USP4: variants seen among roughly 807,000 people sequenced by gnomAD.
USP4 encodes the protein ubiquitin carboxyl-terminal hydrolase 4.
A neutral mutation model predicts 118.2 loss-of-function variants in USP4; 72 were observed. The ratio of observed to expected loss-of-function variants is 0.61; its 90% CI spans 0.50 to 0.74. The LOEUF (loss-of-function observed/expected upper bound fraction) is 0.74, where lower values mean the gene tolerates loss of function less well. Ranked by LOEUF, USP4 falls within the 30% of genes least tolerant of loss-of-function variation. The probability of loss-of-function intolerance (pLI) is 0.00; values close to 1 mark genes in which losing one functional copy is unlikely to be tolerated. For missense variants in USP4, 1,037 were observed against 1,185.7 expected (o/e 0.87, Z 1.84); for synonymous variants, 415 against 440.4 (o/e 0.94, Z 0.72).
chr3:49,286,521 T>A (rs921581316), intron 15 of USP4, among the ~76,000 whole-genome samples, 196 bp from the exon 16 acceptor site: 1 of 152,124 alleles, frequency 6.6e-6, no homozygotes, highest in African/African-American at 2.4e-5. Flanking sequence ...GACTGGGCAC[T>A]GCTATTCCAC....
chr3:49,281,662 C>T (rs2047030657), intron 19 of USP4, among the ~76,000 whole-genome samples: 1 of 149,134 alleles, frequency 6.7e-6, no homozygotes, highest in African/African-American at 2.5e-5. Flanking sequence ...TGCAGTGAGC[C>T]GAGATCGTGC....
At chr3:49,288,126 T>C (rs2047118762) in intron 15 of USP4, among the ~76,000 whole-genome samples, 1 of 152,220 alleles carries the variant, frequency 6.6e-6, no homozygotes, top group Non-Finnish European at 1.5e-5. Context: ...CTTTCCGAAC[T>C]TGCTTAATTC....
chr3:49,325,572 C>G (rs996686159), intron 4 of USP4, 147 bp downstream of exon 4: 1 of 1,168,466 alleles, frequency 8.6e-7, no homozygotes, highest in African/African-American at 1.5e-5. Context: ...GAATAGGCCC[C>G]CAGGTCAGGA....
intron 9 of USP4, 31 bp from the exon 10 acceptor site, chr3:49,302,573 T>C: frequency 1.2e-6 from 2 of 1,603,582 alleles, no homozygotes; most frequent in Non-Finnish European, 1.7e-6. Flanking sequence ...TCAGAAGGCA[T>C]AATACGTAAA....
At chr3:49,323,908 T>C (rs1347053316) in intron 6 of USP4, among the ~76,000 whole-genome samples, 3 of 152,194 alleles carry the variant, frequency 2.0e-5, no homozygotes, top group African/African-American at 7.2e-5. Context: ...CCAAGTTTTG[T>C]AGCTGAACAA....
intron 6 of USP4, among the ~76,000 whole-genome samples, chr3:49,322,789 T>TG (rs2047515839): frequency 1.6e-5 from 2 of 127,738 alleles, no homozygotes; most frequent in African/African-American, 5.9e-5. Flanking sequence ...AACCCGGGAG[T>TG]GGGGGTGCAG....
chr3:49,334,056 A>G (rs895664447), intron 2 of USP4, among the ~76,000 whole-genome samples: 3 of 152,154 alleles, frequency 2.0e-5, no homozygotes, highest in Non-Finnish European at 2.9e-5. Flanking sequence ...ACTGATCACC[A>G]TAACAAATAA....
rs72922904 is a variant in USP4 at position 49,339,780 on chromosome 3, T to C, written c.101+144A>G. On this transcript the variant is annotated intron_variant, in intron 1 of 21. Transcript: ENST00000265560. ...TTTCCCAGAGCTGATCCTGGAGTTA[T>C]TCTCCTGAGGGGCAGGTGTCAGGCT... 0.013 allele frequency: 7,932 copies of C among 616,386 alleles called. 491 individuals carry two copies. In the African/African-American group the frequency reaches 0.13, roughly 10 times the overall value. 38.2% of individuals were successfully genotyped at this position (616,386 alleles called of 1,614,324 possible).
Position 49,297,893 on chromosome 3 carries a change from G to C in USP4, c.1668C>G (p.Ile556Met), listed in dbSNP as rs1250115006. ...ACACGAAAATGTCATCCCGAGGCAT[G>C]ATGTGGTTTAAACCTTCATCCATTT... ...IFQMDEGLNH[I>M]MPRDDIFVYE... is the part of the protein sequence containing the mutation. Residue 556 changes from isoleucine (I) to methionine (M), a missense_variant, in exon 13 of 22, where the codon ATC (isoleucine) becomes ATG (methionine). Ile to Met is a conservative substitution (Grantham distance 10). This residue lies in a region of USP4 where 522 missense variants were observed against 592.6 expected (regional missense o/e 0.88). Transcript: ENST00000265560. The C allele has an allele frequency of 6.2e-7, 1 of 1,613,968 alleles. No homozygotes were observed. The highest frequency in any genetic ancestry group is 1.7e-5 in the Admixed American group (1 of 59,980).
chr3:49,319,545 C>A (rs868333566), intron 6 of USP4, among the ~76,000 whole-genome samples: 10 of 150,644 alleles, frequency 6.6e-5, no homozygotes, highest in Middle Eastern at 3.4e-3. Context: ...CCACTATTTC[C>A]ATTCCCTCAA....
intron 8 of USP4, 106 bp downstream of exon 8, chr3:49,310,514 G>C (rs2047372470): frequency 1.1e-6 from 1 of 921,284 alleles, no homozygotes; most frequent in Non-Finnish European, 1.8e-6. Flanking sequence ...CACCAACAAG[G>C]GGTAGGCAGG....
At chr3:49,316,039 A>G (rs2047431567) in intron 6 of USP4, among the ~76,000 whole-genome samples, 1 of 151,968 alleles carries the variant, frequency 6.6e-6, no homozygotes, top group African/African-American at 2.4e-5. Context: ...CCCCATCTCT[A>G]CTAAAAATAC....
intron 15 of USP4, 125 bp from the exon 16 acceptor site, chr3:49,286,450 A>T: frequency 1.1e-6 from 1 of 932,886 alleles, no homozygotes; most frequent in Non-Finnish European, 1.6e-6. Flanking sequence ...AGTTAAATCT[A>T]TTCCTTTGCA....
chr3:49,323,271 TAAAAAAAA>T (rs1173500243), intron 6 of USP4, among the ~76,000 whole-genome samples: 3 of 101,230 alleles, frequency 3.0e-5, no homozygotes, highest in Admixed American at 1.1e-4. Flanking sequence ...CTGGCCTTTT[TAAAAAAAA>T]AAAAAAAAAA....
At chr3:49,295,714 G>GCGCGCACACACACACACACACACACA (rs149459963) in intron 13 of USP4, among the ~76,000 whole-genome samples, 65 of 148,394 alleles carry the variant, frequency 4.4e-4, no homozygotes, top group African/African-American at 1.7e-3. Flanking sequence ...GCGCGCGCGC[G>GCGCGCACACACACACACACACACACA]CACACACACA....
intron 8 of USP4, 24 bp downstream of exon 8, chr3:49,310,596 T>C: frequency 6.3e-7 from 1 of 1,592,290 alleles, no homozygotes; most frequent in East Asian, 2.2e-5. Flanking sequence ...GCTGTGTTAT[T>C]TGAATGGAAG....
At position 49,319,377 on chromosome 3, in the gene USP4, T is replaced by A. The variant is rs375650765; in HGVS notation, c.695+5325A>T. Among the ~76,000 whole-genome samples the A allele has an allele frequency of 1.5e-4, 23 of 151,426 alleles. 1 individual carries two copies. Among genetic ancestry groups the A allele is most frequent in the Middle Eastern group, 3.5e-3 (1 of 286 alleles). ...GATTCTCCTGCCTCAGCCTCCCGAG[T>A]AGCTGGGACTACAGGAGCATGCCAT... is the stretch of plus-strand genomic sequence containing the variant. On this transcript the variant is annotated intron_variant, in intron 6 of 21. Transcript: ENST00000265560.
chr3:49,308,120 G>A (rs1229689404), intron 8 of USP4, among the ~76,000 whole-genome samples: 4 of 152,106 alleles, frequency 2.6e-5, no homozygotes, highest in African/African-American at 9.7e-5. Context: ...CTGTCTGTTT[G>A]CCTGGTGGGC....
chr3:49,329,968 G>C (rs1476634009), intron 2 of USP4, among the ~76,000 whole-genome samples: 5 of 151,856 alleles, frequency 3.3e-5, no homozygotes, highest in Admixed American at 6.6e-5. Flanking sequence ...GGTGAAACCT[G>C]GTCTCTACTA....
Sources: gnomAD v4.1 joint callset for allele counts (sites outside exome capture counted in the v4.1 genomes callset) on GRCh38, gnomAD v4.1.1 for gene constraint, gnomAD v4.1.1 regional missense constraint, MANE v1.5 for transcripts, NCBI Gene and HGNC (gene_info 2026-07-23, HGNC 2026-07-21) for gene names.